Variants in ATP13A5 observed in about 807,000 individuals in gnomAD.
The protein encoded by ATP13A5 is probable cation-transporting ATPase 13A5.
Under a neutral mutation model 150.2 loss-of-function variants are expected in ATP13A5, and 149 were observed. That is an observed-to-expected ratio of 0.99 (90% CI 0.87 to 1.14). The LOEUF (loss-of-function observed/expected upper bound fraction) is 1.14. Among genes scored for constraint, ATP13A5 ranks in the 50% most tolerant of loss-of-function variants. The pLI is 0.00. For synonymous variants in ATP13A5, 497 were observed against 522.2 expected (o/e 0.95, Z 0.66); for missense variants, 1,383 against 1,449.3 (o/e 0.95, Z 0.74).
At chr3:193,353,473 A>G (rs1326236444) in intron 6 of ATP13A5, among the ~76,000 whole-genome samples, 1 of 152,270 alleles carries the variant, frequency 6.6e-6, no homozygotes, top group Non-Finnish European at 1.5e-5. Context: ...CAATAATTAT[A>G]GAAATAATAA....
At chr3:193,353,906 G>GACAAC (rs1712669441) in intron 6 of ATP13A5, among the ~76,000 whole-genome samples, 1 of 101,074 alleles carries the variant, frequency 9.9e-6, no homozygotes, top group South Asian at 2.8e-4. Flanking sequence ...CCAAACTAAA[G>GACAAC]AGAACAAAAC....
intron 9 of ATP13A5, among the ~76,000 whole-genome samples, chr3:193,341,091 C>T (rs891623476): frequency 4.6e-5 from 7 of 151,976 alleles, no homozygotes; most frequent in African/African-American, 1.7e-4. Flanking sequence ...AAAATGTTAG[C>T]ACAATGCCTA....
At chr3:193,370,679 A>G (rs1342315868) in intron 1 of ATP13A5, among the ~76,000 whole-genome samples, 3 of 152,182 alleles carry the variant, frequency 2.0e-5, no homozygotes, top group African/African-American at 7.2e-5. Context: ...ACTTTTATCT[A>G]TATTTGACAA....
Position 193,357,849 on chromosome 3 carries a change from C to G in ATP13A5, c.537-3653G>C, listed in dbSNP as rs1712849595. Among the ~76,000 whole-genome samples, 6 of 152,188 alleles carry G rather than the reference C, an allele frequency of 3.9e-5. No individual in the cohort carries two copies. In the South Asian group the frequency reaches 1.0e-3, roughly 26 times the overall value. On this transcript the variant is annotated intron_variant, in intron 5 of 29. Transcript: ENST00000342358. ...ACTTGGGGAATCATTGAGGTTTCCT[C>G]CAACCCTGAGATATCAGTAAATCTG...
At chr3:193,354,939 A>AATTTTTTTTTTTT (rs1712720311) in intron 5 of ATP13A5, among the ~76,000 whole-genome samples, 1 of 69,042 alleles carries the variant, frequency 1.4e-5, no homozygotes, top group Non-Finnish European at 2.9e-5. Context: ...CAACAATGTA[A>AATTTTTTTTTTTT]CTTTTTTTTT....
At chr3:193,348,375 C>T (rs1393880261) in intron 7 of ATP13A5, among the ~76,000 whole-genome samples, 2 of 152,076 alleles carry the variant, frequency 1.3e-5, no homozygotes, top group Non-Finnish European at 2.9e-5. Context: ...AACTCAGGTG[C>T]CTCTTGAGCT....
chr3:193,278,002 C>G (rs1476482852), intron 28 of ATP13A5, among the ~76,000 whole-genome samples: 1 of 152,154 alleles, frequency 6.6e-6, no homozygotes, highest in African/African-American at 2.4e-5. Flanking sequence ...CGGGGTTTTA[C>G]CATGTTGGCC....
intron 1 of ATP13A5, among the ~76,000 whole-genome samples, chr3:193,364,776 C>T (rs760352718): frequency 1.3e-5 from 2 of 151,924 alleles, no homozygotes; most frequent in Non-Finnish European, 2.9e-5. Context: ...TTGAGGACGA[C>T]GGAAAGTATG....
intron 27 of ATP13A5, among the ~76,000 whole-genome samples, chr3:193,282,275 G>T: frequency 6.6e-6 from 1 of 152,180 alleles, no homozygotes; most frequent in East Asian, 1.9e-4. Context: ...AATTATTCAT[G>T]TATAACAACA....
intron 1 of ATP13A5, among the ~76,000 whole-genome samples, chr3:193,374,376 C>G (rs1232377508): frequency 6.6e-6 from 1 of 150,826 alleles, no homozygotes; most frequent in African/African-American, 2.4e-5. Context: ...GGTGAGGTGG[C>G]TCATGCCTAT....
intron 16 of ATP13A5, among the ~76,000 whole-genome samples, chr3:193,319,673 G>A (rs1419790771): frequency 6.6e-6 from 1 of 152,174 alleles, no homozygotes. Context: ...CAGACAAACT[G>A]GGTGTCAAAT....
rs549284380 is a variant in ATP13A5, at chr3:193,348,407, C to T, written c.741+2660G>A. Among the ~76,000 whole-genome samples the T allele has an allele frequency of 9.2e-5, 14 of 152,224 alleles. No individual in the cohort carries two copies. The South Asian group carries it at 2.9e-3, about 32-fold the overall frequency. On this transcript the variant is annotated intron_variant, in intron 7 of 29. Transcript: ENST00000342358. Reference sequence around the variant, plus strand: ...AGCTTGGCTCTGTCATGACTGAAGGCAAAGCACTGTGGGCCAGATACTCCC... The same window carrying T: ...AGCTTGGCTCTGTCATGACTGAAGGTAAAGCACTGTGGGCCAGATACTCCC...
In ATP13A5 at chr3:193,314,995, C is replaced by T. The variant is rs746342009; in HGVS notation, c.2135G>A (p.Arg712His). 1.4e-5 allele frequency: 22 copies of T among 1,613,400 alleles called. No homozygotes were observed. The highest frequency in any genetic ancestry group is 1.6e-4 in the Middle Eastern group (1 of 6,078). ...ACCTGTAATCATCACAGTCCTGATA[C>T]GGGCCTCACTCAGTTCCTTCAAGAC... ...KLVLKELSEARIRTVMITGDN... is the reference protein window; with the variant it reads ...KLVLKELSEAHIRTVMITGDN... The change falls in exon 18 of 30, where the codon CGT becomes CAT. Residue 712 changes from arginine to histidine, a missense_variant. By Grantham distance (29) the Arg-to-His change is conservative. This residue lies in a region of ATP13A5 where 568 missense variants were observed against 621.5 expected (regional missense o/e 0.91). Coordinates refer to ENST00000342358, the MANE Select transcript of ATP13A5 (RefSeq NM_198505.4).
intron 3 of ATP13A5, among the ~76,000 whole-genome samples, chr3:193,363,000 C>T (rs1451806332): frequency 6.6e-6 from 1 of 151,998 alleles, no homozygotes; most frequent in African/African-American, 2.4e-5. Flanking sequence ...TGAGGTTTTG[C>T]CATGTTTCCC....
intron 14 of ATP13A5, among the ~76,000 whole-genome samples, chr3:193,324,466 T>A (rs911145718): frequency 1.9e-4 from 29 of 152,250 alleles, no homozygotes; most frequent in African/African-American, 6.8e-4. Flanking sequence ...TCTCTGATAG[T>A]GTTTTGGAAA....
intron 9 of ATP13A5, among the ~76,000 whole-genome samples, chr3:193,341,393 T>C (rs1712122899): frequency 6.6e-6 from 1 of 152,190 alleles, no homozygotes; most frequent in African/African-American, 2.4e-5. Context: ...TTTCCTCTAC[T>C]GCATTTCTAG....
rs1560152072 is a variant in ATP13A5 at position 193,364,300 on chromosome 3, G to C, written c.64-20C>G. On this transcript the variant is annotated intron_variant, in intron 1 of 29. Transcript: ENST00000342358. ...CACCTCCTGGAGAATAAATTTAAAA[G>C]ATCGCTCTATTTTTCTTTTCTTCAC... 6.3e-7 allele frequency: 1 copy of C among 1,599,294 alleles called. No individual in the cohort carries two copies. The highest frequency in any genetic ancestry group is 8.5e-7 in the Non-Finnish European group (1 of 1,172,592).
chr3:193,378,266 T>A (rs944887658), intron 1 of ATP13A5, among the ~76,000 whole-genome samples: 4 of 152,144 alleles, frequency 2.6e-5, no homozygotes, highest in African/African-American at 9.7e-5. Context: ...TAAGCCTAGG[T>A]TATGCATACA....
At chr3:193,359,191 C>G (rs1712906812) in intron 5 of ATP13A5, among the ~76,000 whole-genome samples, 1 of 152,198 alleles carries the variant, frequency 6.6e-6, no homozygotes, top group South Asian at 2.1e-4. Context: ...CCCCTTTCCT[C>G]TCCTCCAACC....
Sources: allele counts gnomAD v4.1 joint callset (sites outside exome capture counted in the v4.1 genomes callset), GRCh38; gene constraint gnomAD v4.1.1; regional missense constraint gnomAD v4.1.1; transcripts MANE v1.5; gene names NCBI Gene and HGNC (gene_info 2026-07-23, HGNC 2026-07-21).